NWD1: variants seen among roughly 807,000 people sequenced by gnomAD.
The protein encoded by NWD1 is NACHT domain- and WD repeat-containing protein 1.
A neutral mutation model predicts 135.1 loss-of-function variants in NWD1; 129 were observed. The ratio of observed to expected loss-of-function variants is 0.96; its 90% CI spans 0.83 to 1.11. NWD1 has a LOEUF of 1.11. Among genes scored for constraint, NWD1 ranks in the 50% least tolerant of loss-of-function variants. The pLI, the probability that NWD1 is intolerant of heterozygous loss-of-function variation, is 0.00. For missense variants in NWD1, 1,740 were observed against 1,851.3 expected, an observed-to-expected ratio of 0.94 and a Z score of 1.10; for synonymous variants, 773 against 786.0, an observed-to-expected ratio of 0.98 and a Z score of 0.28.
At position 16,773,200 on chromosome 19, in the gene NWD1, C is replaced by G. The variant is rs1163475818; in HGVS notation, c.2485C>G (p.Gln829Glu). The change falls in exon 11 of 19, where the codon CAG becomes GAG. Residue 829 changes from glutamine (Q) to glutamate (E), a missense_variant. Physicochemically the swap from Gln to Glu is conservative, Grantham distance 29. Coordinates refer to ENST00000524140, the MANE Select transcript of NWD1 (RefSeq NM_001007525.5). ...CACCTCACATCCAGCACTGGTGGGA[C>G]AGCTATGCCAACAGGCCCAGAGCTG... ...FATSHPALVG[Q>E]LCQQAQSWFQ... 1 of 1,613,890 alleles carries G rather than the reference C, an allele frequency of 6.2e-7. No homozygotes were observed.
intron 6 of NWD1, among the ~76,000 whole-genome samples, chr19:16,757,721 CA>C (rs1385709856): frequency 1.3e-5 from 2 of 152,122 alleles, no homozygotes; most frequent in African/African-American, 4.8e-5. Flanking sequence ...CACCCATGAC[CA>C]GGGGCACATC....
intron 11 of NWD1, among the ~76,000 whole-genome samples, chr19:16,778,715 G>A (rs867227498): frequency 6.6e-6 from 1 of 151,936 alleles, no homozygotes; most frequent in Non-Finnish European, 1.5e-5. Context: ...CTCCATGTTG[G>A]ACAGGCTGGT....
chr19:16,803,738 G>A (rs924176411), intron 17 of NWD1, among the ~76,000 whole-genome samples: 5 of 147,980 alleles, frequency 3.4e-5, no homozygotes, highest in African/African-American at 7.5e-5. Flanking sequence ...CCAACATGGC[G>A]AAACCCCAAC....
Position 16,808,025 on chromosome 19 carries a change from CT to C in NWD1, c.4177del (p.Cys1393ValfsTer34). 1 of 1,614,146 alleles carries C rather than the reference CT, an allele frequency of 6.2e-7. No homozygotes were observed. The highest frequency in any genetic ancestry group is 8.5e-7 in the Non-Finnish European group (1 of 1,180,026). On this transcript the variant is annotated frameshift_variant, in exon 18 of 19. Transcript: ENST00000524140. LOFTEE classifies it high-confidence loss of function. ...TGGAGACCCACAGGAGCCGAGTTGCCTGTGTGGAGGTCAGCCACAAGGAGCA... is the reference window on the plus strand; with the variant it reads ...TGGAGACCCACAGGAGCCGAGTTGCCGTGTGGAGGTCAGCCACAAGGAGCA... ...PLETHRSRVA[C>X]VEVSHKEQLV...
chr19:16,752,218 G>T (rs2313249), intron 6 of NWD1, among the ~76,000 whole-genome samples: 14,183 of 139,826 alleles, frequency 0.1, 1,372 homozygotes, highest in African/African-American at 0.28. Context: ...TTTTAGGGTT[G>T]TTTTTTTTTT....
chr19:16,752,940 G>C (rs1359222907), intron 6 of NWD1, among the ~76,000 whole-genome samples: 1 of 152,194 alleles, frequency 6.6e-6, no homozygotes, highest in Non-Finnish European at 1.5e-5. Flanking sequence ...CATGGCTGCA[G>C]TGAGCTGTGA....
At chr19:16,770,162 G>A (rs773840) in intron 10 of NWD1, among the ~76,000 whole-genome samples, 27,455 of 152,092 alleles carry the variant, frequency 0.18, 5,829 homozygotes, top group African/African-American at 0.52. Context: ...TCCCCACCCA[G>A]CTATCATCTT....
chr19:16,741,768 C>T (rs905929415), intron 4 of NWD1, among the ~76,000 whole-genome samples: 13 of 152,078 alleles, frequency 8.5e-5, no homozygotes, highest in Non-Finnish European at 5.9e-5. Context: ...CTAACAGCTG[C>T]CATTTGACCT....
chr19:16,800,038 G>A lies in NWD1; in HGVS notation c.3612G>A (p.Arg1204=). The A allele has an allele frequency of 6.2e-7, 1 of 1,614,204 alleles. No homozygotes were observed. The highest frequency in any genetic ancestry group is 8.5e-7 in the Non-Finnish European group (1 of 1,180,014). Residue 1204 remains arginine (R), a synonymous_variant, in exon 17 of 19, where the codon AGG becomes AGA. Coordinates refer to ENST00000524140, the MANE Select transcript of NWD1 (RefSeq NM_001007525.5). The stretch of plus-strand genomic sequence containing the variant: ...TCTGGGATCTCAGCGATGCTCATAG[G>A]TCCCGGGTGCCTGCACCATTTCTGG... ...FKVWDLSDAH[R]SRVPAPFLDR...
chr19:16,761,560 A>G (rs1969013876), intron 7 of NWD1, among the ~76,000 whole-genome samples: 1 of 151,584 alleles, frequency 6.6e-6, no homozygotes, highest in Admixed American at 6.6e-5. Context: ...ACAGGGTTTC[A>G]CCACGTTGGC....
At chr19:16,783,448 A>G (rs867562744) in intron 12 of NWD1, among the ~76,000 whole-genome samples, 17 of 152,078 alleles carry the variant, frequency 1.1e-4, no homozygotes, top group Admixed American at 6.6e-5. Flanking sequence ...CAGCCTGGCT[A>G]ACATGATGAA....
chr19:16,763,838 A>T lies in NWD1; in HGVS notation c.2144A>T (p.Gln715Leu), dbSNP rs770837045. The T allele has an allele frequency of 6.2e-7, 1 of 1,612,964 alleles. No homozygotes were observed. The highest frequency in any genetic ancestry group is 8.5e-7 in the Non-Finnish European group (1 of 1,179,020). The change falls in exon 9 of 19, where the codon CAG becomes CTG. Residue 715 changes from glutamine to leucine, a missense_variant. Gln to Leu is a moderately radical substitution (Grantham distance 113). Coordinates refer to ENST00000524140, the MANE Select transcript of NWD1 (RefSeq NM_001007525.5). The part of the protein sequence containing the change: ...PLNLDRKVAP[Q>L]PLWFSHTVAN... ...CTTCTCCTCTGCCAGGTGGCCCCGC[A>T]GCCTCTGTGGTTCTCACATACGGTT...
chr19:16,745,206 G>T, intron 5 of NWD1: 15 of 382,202 alleles, frequency 3.9e-5, no homozygotes, highest in South Asian at 2.9e-4. Flanking sequence ...ATCAGATCTT[G>T]TGAGACTTAT....
In NWD1 at chr19:16,737,964, CGAAAAGAAAAGAAAAGAAAA is replaced by C. The variant is rs60410383; in HGVS notation, c.198+1244_198+1263del. Among the ~76,000 whole-genome samples, 71 of 124,636 alleles carry C rather than the reference CGAAAAGAAAAGAAAAGAAAA, an allele frequency of 5.7e-4. 1 individual carries two copies. The highest frequency in any genetic ancestry group is 2.0e-3 in the African/African-American group (60 of 30,496). 81.8% of individuals were successfully genotyped at this position (124,636 alleles called of 152,430 possible). A position where few individuals can be genotyped will look rare whatever the true frequency, so the allele number is the denominator to read the frequency against. Reference sequence around the variant, plus strand: ...TGGGCGACAGAGCAAGACTCTATCTCGAAAAGAAAAGAAAAGAAAAGAAAAGAAAAGAAAAGAAAAGAAAA... The same window carrying C: ...TGGGCGACAGAGCAAGACTCTATCTCGAAAAGAAAAGAAAAGAAAAGAAAA... On this transcript the variant is annotated intron_variant, in intron 4 of 18. Transcript: ENST00000524140.
Position 16,749,792 on chromosome 19 carries a change from G to A in NWD1, c.1150G>A (p.Gly384Ser). The change falls in exon 6 of 19, where the codon GGC becomes AGC. Residue 384 changes from glycine (G) to serine (S), a missense_variant. Coordinates refer to ENST00000524140, the MANE Select transcript of NWD1 (RefSeq NM_001007525.5). ...GTSQMSSDARGLLKSICFQVC... is the reference protein window; with the variant it reads ...GTSQMSSDARSLLKSICFQVC... ...GTCACAAATGAGCTCAGATGCCCGTGGCCTGCTGAAGAGCATCTGCTTCCA... is the reference window on the plus strand; with the variant it reads ...GTCACAAATGAGCTCAGATGCCCGTAGCCTGCTGAAGAGCATCTGCTTCCA... The A allele has an allele frequency of 6.2e-7, 1 of 1,606,234 alleles. No homozygotes were observed. Among genetic ancestry groups the A allele is most frequent in the South Asian group, 1.1e-5 (1 of 90,058 alleles).
chr19:16,791,493 C>T lies in NWD1; in HGVS notation c.3084C>T (p.Ser1028=), dbSNP rs1308081657. 1 of 1,614,126 alleles carries T rather than the reference C, an allele frequency of 6.2e-7. No homozygotes were observed. The highest frequency in any genetic ancestry group is 1.7e-5 in the Admixed American group (1 of 59,984). ...VSRDGVVSLW[S]SATGKLQGKQ... is the part of the protein sequence containing the mutation. The stretch of plus-strand genomic sequence containing the variant: ...GGGATGGTGTGGTCAGTCTGTGGAG[C>T]TCAGCTACGGGAAAACTTCAGGGGA... Residue 1028 remains serine (S), a synonymous_variant, in exon 14 of 19, where the codon AGC becomes AGT. Coordinates refer to ENST00000524140, the MANE Select transcript of NWD1 (RefSeq NM_001007525.5).
Position 16,774,769 on chromosome 19 carries a change from C to A in NWD1, c.2608+1446C>A, listed in dbSNP as rs77488746. ...CCTTTCTTTCTTCCTTCCTTCCTCT[C>A]TTCTATCCACCCATCAGTCATCCAC... On this transcript the variant is annotated intron_variant, in intron 11 of 18. Coordinates refer to ENST00000524140, the MANE Select transcript of NWD1 (RefSeq NM_001007525.5). 8.9e-3 allele frequency among the ~76,000 whole-genome samples: 1,360 copies of A among 151,984 alleles called. 27 individuals are homozygous for A. The highest frequency in any genetic ancestry group is 0.032 in the African/African-American group (1,307 of 41,472).
chr19:16,728,899 A>G (rs904932539), intron 2 of NWD1, among the ~76,000 whole-genome samples: 12 of 146,408 alleles, frequency 8.2e-5, no homozygotes, highest in Admixed American at 1.4e-4. Flanking sequence ...AGCCGAGATC[A>G]TGCCACTGCA....
chr19:16,802,463 TAA>T (rs1165843521), intron 17 of NWD1, among the ~76,000 whole-genome samples: 5,400 of 96,424 alleles, frequency 0.056, 177 homozygotes, highest in African/African-American at 0.11. Context: ...CTATCTCAAT[TAA>T]AAAAAAAAAA....
Sources: gnomAD v4.1 joint callset for allele counts (sites outside exome capture counted in the v4.1 genomes callset) on GRCh38, gnomAD v4.1.1 for gene constraint, MANE v1.5 for transcripts, NCBI Gene and HGNC (gene_info 2026-07-23, HGNC 2026-07-21) for gene names.